ZNF197: variants seen among roughly 807,000 people sequenced by gnomAD.
The protein encoded by ZNF197 is VHL-associated KRAB-A domain-containing protein.
ZNF197 carries 14 observed loss-of-function variants against 27.4 expected under a neutral mutation model. The observed-to-expected ratio is 0.51, with a 90% CI of 0.34 to 0.80. ZNF197 has a LOEUF of 0.80. Among genes scored for constraint, ZNF197 ranks in the 30% least tolerant of loss-of-function variants. The pLI is 0.02. For synonymous variants in ZNF197, 415 were observed against 420.0 expected (o/e 0.99, Z 0.15); for missense variants, 1,090 against 1,222.6 (o/e 0.89, Z 1.62).
rs992135678 is a variant in ZNF197 at position 44,644,983 on chromosome 3, A to G, written c.*763A>G. 1.0e-4 allele frequency: 102 copies of G among 985,398 alleles called. No individual in the cohort carries two copies. Among genetic ancestry groups the G allele is most frequent in the Admixed American group, 6.1e-4 (10 of 16,274 alleles). The allele number at this position is 985,398 out of a possible 1,614,324, so 61.0% of individuals were successfully genotyped here. ...GCTGTGGAAAACCTGAACAGACAGT[A>G]TGATCCAGAATGTCAGGTGTGGAGT... is the stretch of plus-strand genomic sequence containing the variant. On this transcript the variant is annotated 3_prime_UTR_variant, in exon 6 of 6. Transcript: ENST00000344387.
intron 5 of ZNF197, among the ~76,000 whole-genome samples, chr3:44,638,029 C>A (rs187660806): frequency 2.4e-3 from 369 of 152,292 alleles, no homozygotes; most frequent in Non-Finnish European, 4.3e-3. Context: ...TGCAATGAAT[C>A]TGTAGATCAA....
chr3:44,631,411 T>G (rs996604317), intron 3 of ZNF197, among the ~76,000 whole-genome samples, 190 bp downstream of exon 3: 7 of 152,202 alleles, frequency 4.6e-5, no homozygotes, highest in Middle Eastern at 3.4e-3. Context: ...TCCCCCCTTT[T>G]TTTTTTTGAG....
Position 44,642,500 on chromosome 3 carries a change from A to G in ZNF197, c.1370A>G (p.Lys457Arg). Residue 457 changes from lysine to arginine, a missense_variant, in exon 6 of 6, where the codon AAG (lysine) becomes AGG (arginine). Physicochemically the swap from Lys to Arg is conservative, Grantham distance 26. Coordinates refer to ENST00000344387, the MANE Select transcript of ZNF197 (RefSeq NM_006991.5). ...ACTGGGGAGAAACCTTATAAGTGTA[A>G]GGAGTGTGGAAAGGGCTTCTATAGG... ...IHTGEKPYKC[K>R]ECGKGFYRHS... 1 of 1,614,076 alleles carries G rather than the reference A, an allele frequency of 6.2e-7. No homozygotes were observed. The highest frequency in any genetic ancestry group is 1.1e-5 in the South Asian group (1 of 91,070).
At position 44,642,057 on chromosome 3, in the gene ZNF197, G is replaced by A; in HGVS notation, c.927G>A (p.Gln309=). The change falls in exon 6 of 6, where the codon CAG becomes CAA. Residue 309 remains glutamine, a synonymous_variant. Transcript: ENST00000344387. Reference sequence around the variant, plus strand: ...GTGAATGGCAAGTTTTGGCAAGTCAGTGGGGAAATGAAACAGATGAAAGGG... The same window carrying A: ...GTGAATGGCAAGTTTTGGCAAGTCAATGGGGAAATGAAACAGATGAAAGGG... The part of the protein sequence containing the change: ...EECEWQVLAS[Q]WGNETDERAD... The A allele has an allele frequency of 4.3e-6, 7 of 1,614,152 alleles. No individual in the cohort carries two copies. The highest frequency in any genetic ancestry group is 1.6e-4 in the Middle Eastern group (1 of 6,062).
chr3:44,628,119 T>A (rs1701771284), intron 1 of ZNF197, among the ~76,000 whole-genome samples: 1 of 152,214 alleles, frequency 6.6e-6, no homozygotes, highest in Admixed American at 6.5e-5. Context: ...AGCAGAGATG[T>A]AACTAAAAAT....
Position 44,642,103 on chromosome 3 carries a change from T to C in ZNF197, c.973T>C (p.Ser325Pro), listed in dbSNP as rs745839677. The C allele has an allele frequency of 3.1e-6, 5 of 1,613,926 alleles. No individual in the cohort carries two copies. The highest frequency in any genetic ancestry group is 1.6e-4 in the Middle Eastern group (1 of 6,082). ...AAGGGCAGATACAGTGAAGAAAGTT[T>C]CCCTTTGTGAACGAGACAAGAAGAA... ...DERADTVKKV[S>P]LCERDKKKRT... Residue 325 changes from serine (S) to proline (P), a missense_variant, in exon 6 of 6, where the codon TCC (serine) becomes CCC (proline). Physicochemically the swap from Ser to Pro is moderately conservative, Grantham distance 74. Coordinates refer to ENST00000344387, the MANE Select transcript of ZNF197 (RefSeq NM_006991.5).
chr3:44,627,200 T>A (rs1182543395), intron 1 of ZNF197, among the ~76,000 whole-genome samples: 4 of 152,192 alleles, frequency 2.6e-5, no homozygotes, highest in African/African-American at 9.7e-5. Flanking sequence ...TAATTTTAAA[T>A]TTTGAACCAA....
chr3:44,640,747 C>T lies in ZNF197; in HGVS notation c.770-1153C>T, dbSNP rs1030429316. Reference sequence around the variant, plus strand: ...ACCAGCATTAGATAGGCTTAAGACACATACCCATCCCTGCAGCCAGGTGGT... The same window carrying T: ...ACCAGCATTAGATAGGCTTAAGACATATACCCATCCCTGCAGCCAGGTGGT... On this transcript the variant is annotated intron_variant, in intron 5 of 5. Coordinates refer to ENST00000344387, the MANE Select transcript of ZNF197 (RefSeq NM_006991.5). This position sits in a 1 kb window ranked among gnomAD's most constrained non-coding sequence, Gnocchi z 4.0. 6.6e-6 allele frequency among the ~76,000 whole-genome samples: 1 copy of T among 152,218 alleles called. No homozygotes were observed. The highest frequency in any genetic ancestry group is 2.4e-5 in the African/African-American group (1 of 41,464).
intron 5 of ZNF197, 90 bp from the exon 6 acceptor site, chr3:44,641,810 C>A: frequency 7.1e-7 from 1 of 1,410,090 alleles, no homozygotes; most frequent in Non-Finnish European, 9.3e-7. Context: ...TAAAGTGTGC[C>A]TTCCTAGAAT....
Position 44,643,497 on chromosome 3 carries a change from C to T in ZNF197, c.2367C>T (p.Pro789=), listed in dbSNP as rs761475446. Residue 789 remains proline, a synonymous_variant, in exon 6 of 6, where the codon CCC becomes CCT. Coordinates refer to ENST00000344387, the MANE Select transcript of ZNF197 (RefSeq NM_006991.5). ...EHKRIHSGEK[P]YECDECGKCF... ...AGAGAATCCACAGTGGTGAGAAACC[C>T]TATGAGTGTGATGAGTGTGGCAAAT... 2 of 1,614,114 alleles carry T rather than the reference C, an allele frequency of 1.2e-6. No homozygotes were observed. Among genetic ancestry groups the T allele is most frequent in the Admixed American group, 3.3e-5 (2 of 60,016 alleles).
Position 44,645,970 on chromosome 3 carries a change from C to G in ZNF197, c.*1750C>G. The G allele has an allele frequency of 1.0e-6, 1 of 985,310 alleles. No individual in the cohort carries two copies. The allele number at this position is 985,310 out of a possible 1,614,324, so 61.0% of individuals were successfully genotyped here. ...TTCTGTAGCTGGACTATGAATAATA[C>G]CTGAATATGAAGATTGTGTTTTTTA... On this transcript the variant is annotated 3_prime_UTR_variant, in exon 6 of 6. Transcript: ENST00000344387.
chr3:44,639,456 G>T (rs1013435614), intron 5 of ZNF197, among the ~76,000 whole-genome samples: 1 of 151,200 alleles, frequency 6.6e-6, no homozygotes, highest in Admixed American at 6.6e-5. Flanking sequence ...TGTGCAGGCA[G>T]GGGGTGGGGG....
chr3:44,634,979 C>G (rs1702204558), intron 5 of ZNF197, among the ~76,000 whole-genome samples: 1 of 152,074 alleles, frequency 6.6e-6, no homozygotes, highest in South Asian at 2.1e-4. Context: ...GCACCACCCT[C>G]CAAGCTTGTT....
chr3:44,642,802 C>T lies in ZNF197; in HGVS notation c.1672C>T (p.Arg558Ter), dbSNP rs1232001366. The T allele has an allele frequency of 7.4e-6, 12 of 1,613,328 alleles. No individual in the cohort carries two copies. Among genetic ancestry groups the T allele is most frequent in the Middle Eastern group, 3.3e-4 (2 of 6,084 alleles). The stretch of plus-strand genomic sequence containing the variant: ...GACCACTTATCTTATTGACCATCAG[C>T]GACTCCACAGTGCAGAGAACCCTTA... ...AQTTYLIDHQ[R>*]LHSAENPYKC... Residue 558 changes from arginine to a stop codon, truncating the protein, a stop_gained, in exon 6 of 6, where the codon CGA becomes TGA. Coordinates refer to ENST00000344387, the MANE Select transcript of ZNF197 (RefSeq NM_006991.5). LOFTEE classifies it low-confidence loss of function (END_TRUNC).
In ZNF197 at chr3:44,644,171, C is replaced by G; in HGVS notation, c.3041C>G (p.Ser1014Cys). Reference sequence around the variant, plus strand: ...AAAATCCATACCATTGAGGAATTCTCTTGGCTACAAAACACCAATGAGTCC... The same window carrying G: ...AAAATCCATACCATTGAGGAATTCTGTTGGCTACAAAACACCAATGAGTCC... ...QQKIHTIEEF[S>C]WLQNTNESKI... Residue 1014 changes from serine to cysteine, a missense_variant, in exon 6 of 6, where the codon TCT (serine) becomes TGT (cysteine). Transcript: ENST00000344387. The G allele has an allele frequency of 6.2e-7, 1 of 1,611,758 alleles. No individual in the cohort carries two copies. The highest frequency in any genetic ancestry group is 8.5e-7 in the Non-Finnish European group (1 of 1,179,312).
In ZNF197 at chr3:44,646,404, C is replaced by T; in HGVS notation, c.*2184C>T. On this transcript the variant is annotated 3_prime_UTR_variant, in exon 6 of 6. Transcript: ENST00000344387. ...TGTCACATTGCTTAGATTGAGACAG[C>T]CCACATAATGTGCCACCTTCTGTGA... 6.2e-7 allele frequency: 1 copy of T among 1,602,352 alleles called. No homozygotes were observed. The highest frequency in any genetic ancestry group is 8.5e-7 in the Non-Finnish European group (1 of 1,174,508).
chr3:44,628,247 G>C (rs928043682), intron 1 of ZNF197, among the ~76,000 whole-genome samples: 1 of 152,198 alleles, frequency 6.6e-6, no homozygotes, highest in South Asian at 2.1e-4. Flanking sequence ...ATTGTTTTCT[G>C]GTTTTGTGTG....
chr3:44,641,370 T>A (rs911029873), intron 5 of ZNF197, among the ~76,000 whole-genome samples: 7 of 152,240 alleles, frequency 4.6e-5, no homozygotes, highest in African/African-American at 1.4e-4. Flanking sequence ...ATTAAGTTGC[T>A]TTTCAATGGA....
chr3:44,629,221 A>T lies in ZNF197; in HGVS notation c.67A>T (p.Thr23Ser), dbSNP rs1204965841. The change falls in exon 2 of 6, where the codon ACC (threonine) becomes TCC (serine). Residue 23 changes from threonine to serine, a missense_variant. Coordinates refer to ENST00000344387, the MANE Select transcript of ZNF197 (RefSeq NM_006991.5). ...GGGCCTTGTGAAGGGGAAGGATGAT[A>T]CCTGGAAATGGGGAACCAGCTTCCA... Reference protein sequence around the residue: ...QEGLVKGKDDTWKWGTSFQGS... With the variant: ...QEGLVKGKDDSWKWGTSFQGS... The T allele has an allele frequency of 6.2e-7, 1 of 1,614,050 alleles. No individual in the cohort carries two copies. The highest frequency in any genetic ancestry group is 1.3e-5 in the African/African-American group (1 of 74,932).
Sources: gnomAD v4.1 joint callset for allele counts (sites outside exome capture counted in the v4.1 genomes callset) on GRCh38, gnomAD v4.1.1 for gene constraint, Gnocchi (gnomAD v3.1) non-coding constraint, MANE v1.5 for transcripts, NCBI Gene and HGNC (gene_info 2026-07-23, HGNC 2026-07-21) for gene names.